The following FRMD4B variants were observed in gnomAD, a reference collection of about 807,000 sequenced individuals.
The protein encoded by FRMD4B is FERM domain containing 4B.
In FRMD4B, 74 loss-of-function variants were observed where a neutral mutation model predicts 141.5. The observed-to-expected ratio is 0.52, with a 90% CI of 0.43 to 0.63. The LOEUF (loss-of-function observed/expected upper bound fraction) is 0.63. Among genes scored for constraint, FRMD4B ranks in the 30% least tolerant of loss-of-function variants. The probability of loss-of-function intolerance (pLI) is 0.00; values close to 1 mark genes in which losing one functional copy is unlikely to be tolerated. For missense variants in FRMD4B, 1,366 were observed against 1,253.4 expected (o/e 1.09, Z -1.36); for synonymous variants, 506 against 467.9 (o/e 1.08, Z -1.05).
At chr3:69,355,812 G>A (rs1703299343) in intron 1 of FRMD4B, among the ~76,000 whole-genome samples, 1 of 152,150 alleles carries the variant, frequency 6.6e-6, no homozygotes, top group Non-Finnish European at 1.5e-5. Flanking sequence ...ATCACCTGAG[G>A]TAAGGGGTTT....
At chr3:69,311,432 A>C in intron 2 of FRMD4B, 75 bp from the exon 3 acceptor site, 1 of 684,926 alleles carries the variant, frequency 1.5e-6, no homozygotes, top group Non-Finnish European at 2.6e-6. Context: ...TCTGCCCTAA[A>C]TAATTTAAAG....
intron 5 of FRMD4B, among the ~76,000 whole-genome samples, chr3:69,260,471 G>A (rs989082745): frequency 6.6e-6 from 1 of 152,210 alleles, no homozygotes; most frequent in Non-Finnish European, 1.5e-5. Flanking sequence ...GCCCACCTGC[G>A]TCGCGCTCGA....
intron 1 of FRMD4B, among the ~76,000 whole-genome samples, chr3:69,453,558 A>G (rs1217960841): frequency 6.6e-6 from 1 of 152,224 alleles, no homozygotes; most frequent in African/African-American, 2.4e-5. Context: ...GGGCTATCAG[A>G]GTTGTCCTCT....
intron 18 of FRMD4B, among the ~76,000 whole-genome samples, chr3:69,188,982 G>C (rs1041086535): frequency 2.0e-5 from 3 of 152,008 alleles, no homozygotes; most frequent in Non-Finnish European, 4.4e-5. Context: ...GGCACTTTGG[G>C]AGGCCGAGGC....
intron 17 of FRMD4B, among the ~76,000 whole-genome samples, chr3:69,190,858 T>A (rs2092827937): frequency 6.6e-6 from 1 of 152,230 alleles, no homozygotes; most frequent in East Asian, 1.9e-4. Context: ...GTCTTGGTTT[T>A]GCCATTTATC....
chr3:69,443,364 T>TA (rs1705367202), intron 1 of FRMD4B, among the ~76,000 whole-genome samples: 1 of 152,206 alleles, frequency 6.6e-6, no homozygotes, highest in South Asian at 2.1e-4. Context: ...CCTCTGGACT[T>TA]TATATATACA....
At chr3:69,492,648 T>C (rs9809725) in intron 1 of FRMD4B, among the ~76,000 whole-genome samples, 83,855 of 152,072 alleles carry the variant, frequency 0.55, 25,530 homozygotes, top group African/African-American at 0.83. Flanking sequence ...GGGAACCACT[T>C]ATCCCTAATT....
intron 2 of FRMD4B, among the ~76,000 whole-genome samples, chr3:69,405,769 A>C (rs1430698564): frequency 6.6e-6 from 1 of 152,174 alleles, no homozygotes; most frequent in African/African-American, 2.4e-5. Context: ...TCAGAAATTA[A>C]ATGAGCCATG....
intron 2 of FRMD4B, among the ~76,000 whole-genome samples, chr3:69,423,260 C>T (rs1289614077): frequency 2.0e-5 from 3 of 152,160 alleles, no homozygotes; most frequent in Non-Finnish European, 2.9e-5. Flanking sequence ...GTGATCCTCC[C>T]GCCTTGGCCT....
upstream of FRMD4B, chr3:69,386,157 C>T: frequency 1.6e-6 from 1 of 626,052 alleles, no homozygotes; most frequent in Non-Finnish European, 2.6e-6. Context: ...GCTCCGGCGG[C>T]ATGCCCTGGG....
At chr3:69,193,321 C>T (rs531171088) in intron 17 of FRMD4B, among the ~76,000 whole-genome samples, 2 of 152,058 alleles carry the variant, frequency 1.3e-5, no homozygotes, top group Admixed American at 6.5e-5. Context: ...CCAGCCTGAC[C>T]GAGATGGTGA....
At chr3:69,468,827 T>A (rs1044900035) in intron 1 of FRMD4B, among the ~76,000 whole-genome samples, 4 of 152,188 alleles carry the variant, frequency 2.6e-5, no homozygotes, top group Non-Finnish European at 5.9e-5. Flanking sequence ...GGACTTGCTG[T>A]TCTGAGAGTT....
At chr3:69,349,506 G>T (rs553763394) in intron 1 of FRMD4B, among the ~76,000 whole-genome samples, 6 of 152,214 alleles carry the variant, frequency 3.9e-5, no homozygotes, top group South Asian at 4.1e-4. Context: ...AAAAGAGCCC[G>T]CATTGCCAAG....
chr3:69,382,936 T>C (rs1444544164), intron 1 of FRMD4B, among the ~76,000 whole-genome samples: 1 of 152,188 alleles, frequency 6.6e-6, no homozygotes, highest in Non-Finnish European at 1.5e-5. Flanking sequence ...GCTAGACTTT[T>C]CAGCTGTGAC....
intron 1 of FRMD4B, among the ~76,000 whole-genome samples, chr3:69,494,323 C>A (rs1706351725): frequency 6.6e-6 from 1 of 152,138 alleles, no homozygotes; most frequent in African/African-American, 2.4e-5. Flanking sequence ...GGCACGAGAT[C>A]CAGCTCTGCA....
chr3:69,437,404 T>C (rs995909004), intron 1 of FRMD4B, among the ~76,000 whole-genome samples: 1 of 150,020 alleles, frequency 6.7e-6, no homozygotes, highest in African/African-American at 2.4e-5. Flanking sequence ...AAATGGTAAC[T>C]CTTATGTTAT....
At chr3:69,486,291 G>T (rs1706215275) in intron 1 of FRMD4B, among the ~76,000 whole-genome samples, 1 of 152,172 alleles carries the variant, frequency 6.6e-6, no homozygotes, top group South Asian at 2.1e-4. Flanking sequence ...GTTCTTTAGT[G>T]ATCTGTGAGA....
At chr3:69,278,247 G>T (rs1427186234) in intron 5 of FRMD4B, among the ~76,000 whole-genome samples, 2 of 152,140 alleles carry the variant, frequency 1.3e-5, no homozygotes, top group Non-Finnish European at 2.9e-5. Context: ...AAAGTATTAG[G>T]TTAAACCAAA....
chr3:69,260,340 G>A (rs2093518409), intron 5 of FRMD4B, among the ~76,000 whole-genome samples: 1 of 152,218 alleles, frequency 6.6e-6, no homozygotes, highest in Non-Finnish European at 1.5e-5. Flanking sequence ...TTCCGGGTGG[G>A]CGTGGGCTCG....
Sources: gnomAD v4.1 joint callset for allele counts (sites outside exome capture counted in the v4.1 genomes callset) on GRCh38, gnomAD v4.1.1 for gene constraint, MANE v1.5 for transcripts, NCBI Gene and HGNC (gene_info 2026-07-23, HGNC 2026-07-21) for gene names.